Variants in FGF12 observed in about 807,000 individuals in gnomAD.
FGF12 encodes fibroblast growth factor 12, also known as fibroblast growth factor 12B.
FGF12 carries 14 observed loss-of-function variants against 23.6 expected under a neutral mutation model. The ratio of observed to expected loss-of-function variants is 0.59; its 90% confidence interval spans 0.39 to 0.93. The LOEUF is 0.93. FGF12 is among the 40% of genes least tolerant of loss of function. The pLI is 0.00. For missense variants in FGF12, 175 were observed against 217.8 expected, an observed-to-expected ratio of 0.80 and a Z score of 1.24; for synonymous variants, 62 against 77.3, an observed-to-expected ratio of 0.80 and a Z score of 1.04.
At chr3:192,214,472 G>A (rs1326415551) in intron 4 of FGF12, among the ~76,000 whole-genome samples, 3 of 152,224 alleles carry the variant, frequency 2.0e-5, no homozygotes, top group Non-Finnish European at 4.4e-5. Flanking sequence ...TGTGGAATGA[G>A]AAGAGACAAG....
chr3:192,226,812 G>A (rs1461863411), intron 4 of FGF12, among the ~76,000 whole-genome samples: 1 of 152,068 alleles, frequency 6.6e-6, no homozygotes, highest in African/African-American at 2.4e-5. Flanking sequence ...TGATAGCTAT[G>A]TGAGGAATCA....
intron 2 of FGF12, among the ~76,000 whole-genome samples, chr3:192,532,497 A>AT (rs1006001200): frequency 3.2e-4 from 49 of 150,884 alleles, no homozygotes; most frequent in African/African-American, 1.2e-3. Context: ...TATTTTTTTT[A>AT]TTTTTTGTAG....
At chr3:192,487,853 G>A (rs942627519) in intron 2 of FGF12, among the ~76,000 whole-genome samples, 11 of 152,028 alleles carry the variant, frequency 7.2e-5, no homozygotes, top group African/African-American at 2.7e-4. Context: ...TATTAGGTCG[G>A]GAATTTTAAC....
chr3:192,518,122 G>C (rs1724725809), intron 2 of FGF12, among the ~76,000 whole-genome samples: 1 of 152,032 alleles, frequency 6.6e-6, no homozygotes, highest in Non-Finnish European at 1.5e-5. Flanking sequence ...TTTATATTCA[G>C]ATATATTATT....
chr3:192,721,453 G>T lies in FGF12; in HGVS notation c.13+5728C>A, dbSNP rs146993429. 5.9e-3 allele frequency among the ~76,000 whole-genome samples: 899 copies of T among 152,230 alleles called. 5 individuals carry two copies. Among genetic ancestry groups the T allele is most frequent in the Admixed American group, 9.7e-3 (148 of 15,294 alleles). On this transcript the variant is annotated intron_variant, in intron 2 of 5. Coordinates refer to ENST00000445105, the MANE Select transcript of FGF12 (RefSeq NM_004113.6). ...AAAATGCCAAATCACAGGGTTTTAAGGGAGATTGTATATATTAAAAGCCTT... is the reference window on the plus strand; with the variant it reads ...AAAATGCCAAATCACAGGGTTTTAATGGAGATTGTATATATTAAAAGCCTT...
intron 2 of FGF12, among the ~76,000 whole-genome samples, chr3:192,623,293 T>C (rs1035297450): frequency 1.3e-5 from 2 of 152,158 alleles, no homozygotes; most frequent in Non-Finnish European, 2.9e-5. Context: ...AAAGTAAAAA[T>C]TTAAGCAAGC....
intron 2 of FGF12, among the ~76,000 whole-genome samples, chr3:192,443,057 C>G (rs1252245122): frequency 6.6e-6 from 1 of 152,076 alleles, no homozygotes; most frequent in Non-Finnish European, 1.5e-5. Flanking sequence ...TCCACTTTGC[C>G]TCAACCTCCT....
In FGF12 at chr3:192,711,503, A is replaced by T. The variant is rs917596578; in HGVS notation, c.13+15678T>A. On this transcript the variant is annotated intron_variant, in intron 2 of 5. Coordinates refer to ENST00000445105, the MANE Select transcript of FGF12 (RefSeq NM_004113.6). ...TGAAGATGGCGGTTTTGTCGAATAG[A>T]AAAGGGGGAAATGTGGGGAAAAGAT... Among the ~76,000 whole-genome samples, 18 of 152,164 alleles carry T rather than the reference A, an allele frequency of 1.2e-4. 1 individual carries two copies. Among genetic ancestry groups the T allele is most frequent in the Non-Finnish European group, 1.5e-5 (1 of 68,020 alleles).
intron 2 of FGF12, among the ~76,000 whole-genome samples, chr3:192,468,317 T>C (rs911327701): frequency 6.6e-6 from 1 of 152,242 alleles, no homozygotes; most frequent in African/African-American, 2.4e-5. Context: ...TTATTCATAG[T>C]TTACCAGATT....
At chr3:192,506,873 A>G (rs1235126264) in intron 2 of FGF12, among the ~76,000 whole-genome samples, 1 of 147,768 alleles carries the variant, frequency 6.8e-6, no homozygotes, top group African/African-American at 2.5e-5. Flanking sequence ...CCTCCCATCT[A>G]GTCATGGCCA....
intron 2 of FGF12, among the ~76,000 whole-genome samples, chr3:192,439,028 G>A (rs549284390): frequency 6.6e-6 from 1 of 152,230 alleles, no homozygotes; most frequent in South Asian, 2.1e-4. Context: ...GTTTGCAGCG[G>A]GTCTCTGAAA....
At chr3:192,332,942 G>A (rs1717201505) in intron 4 of FGF12, among the ~76,000 whole-genome samples, 1 of 152,134 alleles carries the variant, frequency 6.6e-6, no homozygotes, top group Non-Finnish European at 1.5e-5. Flanking sequence ...CGAAAGCATT[G>A]TGATTCTAGA....
intron 2 of FGF12, among the ~76,000 whole-genome samples, chr3:192,622,559 G>A (rs1388990630): frequency 1.3e-5 from 2 of 152,098 alleles, no homozygotes; most frequent in Non-Finnish European, 2.9e-5. Flanking sequence ...CCCCAGTCTT[G>A]GTTCCAATCT....
chr3:192,688,364 C>A (rs1717832506), intron 2 of FGF12, among the ~76,000 whole-genome samples: 1 of 152,182 alleles, frequency 6.6e-6, no homozygotes, highest in South Asian at 2.1e-4. Context: ...CACCCCCCAA[C>A]CTCTGCCACA....
chr3:192,516,804 C>T (rs567712584), intron 2 of FGF12: 1 of 152,384 alleles, frequency 6.6e-6, no homozygotes, highest in African/African-American at 2.4e-5. Context: ...CTTCCTAAAA[C>T]CACTGCAGTG....
intron 4 of FGF12, among the ~76,000 whole-genome samples, chr3:192,224,390 G>T (rs2108576451): frequency 6.6e-6 from 1 of 152,146 alleles, no homozygotes; most frequent in South Asian, 2.1e-4. Context: ...GCCAATCCTT[G>T]TTTTATATAG....
In FGF12 at chr3:192,514,874, A is replaced by T; in HGVS notation, c.14-154336T>A. 1.0e-6 allele frequency: 1 copy of T among 984,994 alleles called. No individual in the cohort carries two copies. The highest frequency in any genetic ancestry group is 4.7e-5 in the South Asian group (1 of 21,268). 61.0% of individuals were successfully genotyped at this position (984,994 alleles called of 1,614,324 possible). A position where few individuals can be genotyped will look rare whatever the true frequency, so the allele number is the denominator to read the frequency against. On this transcript the variant is annotated intron_variant, in intron 2 of 5. Transcript: ENST00000445105. This position sits in a 1 kb window ranked among gnomAD's most constrained non-coding sequence, Gnocchi z 4.9. ...GAGTCCATCGCGCGCGCCCAGGTGG[A>T]GGGGAGTTTGCACATGGAGCCGGAG...
intron 2 of FGF12, among the ~76,000 whole-genome samples, chr3:192,491,112 C>G (rs1723789130): frequency 6.6e-6 from 1 of 152,146 alleles, no homozygotes; most frequent in Non-Finnish European, 1.5e-5. Flanking sequence ...TCTTCTACAA[C>G]CCTTCCTTTG....
intron 5 of FGF12, among the ~76,000 whole-genome samples, chr3:192,158,340 T>TTCTTTCTTTC (rs1170624756): frequency 1.5e-5 from 1 of 67,780 alleles, no homozygotes. Flanking sequence ...TTCTCTTTCT[T>TTCTTTCTTTC]TCTTTCTTTC....
Sources: allele counts gnomAD v4.1 joint callset (sites outside exome capture counted in the v4.1 genomes callset), GRCh38; gene constraint gnomAD v4.1.1; non-coding constraint Gnocchi (gnomAD v3.1); transcripts MANE v1.5; gene names NCBI Gene and HGNC (gene_info 2026-07-23, HGNC 2026-07-21).